FANCD2: variants seen among roughly 807,000 people sequenced by gnomAD.
The protein encoded by FANCD2 is Fanconi anemia group D2 protein.
FANCD2 carries 131 observed loss-of-function variants against 192.3 expected under a neutral mutation model. The ratio of observed to expected loss-of-function variants is 0.68; its 90% CI spans 0.59 to 0.79. The LOEUF is 0.79. FANCD2 is among the 30% of genes least tolerant of loss of function. The probability of loss-of-function intolerance (pLI) is 0.00; values close to 1 mark genes in which losing one functional copy is unlikely to be tolerated. For synonymous variants in FANCD2, 524 were observed against 612.5 expected (o/e 0.86, Z 2.13); for missense variants, 1,508 against 1,701.6 (o/e 0.89, Z 2.00).
chr3:10,100,568 C>T (rs1024383551), intron 43 of FANCD2, among the ~76,000 whole-genome samples: 14 of 152,292 alleles, frequency 9.2e-5, no homozygotes, highest in Non-Finnish European at 1.3e-4. Flanking sequence ...GACAGGGTTT[C>T]ACCATGTTGG....
intron 21 of FANCD2, among the ~76,000 whole-genome samples, 157 bp from the exon 22 acceptor site, chr3:10,064,199 C>T (rs1223913625): frequency 6.6e-6 from 1 of 152,178 alleles, no homozygotes; most frequent in Non-Finnish European, 1.5e-5. Context: ...GCTTTTTATG[C>T]ACTCTCTCTT....
chr3:10,046,576 A>G lies in FANCD2; in HGVS notation c.1135-4A>G. 1.2e-6 allele frequency: 2 copies of G among 1,614,214 alleles called. No individual in the cohort carries two copies. Among genetic ancestry groups the G allele is most frequent in the Non-Finnish European group, 8.5e-7 (1 of 1,180,002 alleles). ...TTCTGTTGTTGCATATTTATTGACA[A>G]TAGGTGTTTGACCTGGTGATGCTTT... On this transcript the variant is annotated splice_region_variant and splice_polypyrimidine_tract_variant and intron_variant, in intron 14 of 43. Coordinates refer to ENST00000675286, the MANE Select transcript of FANCD2 (RefSeq NM_001018115.3).
At chr3:10,079,877 T>A (rs927313015) in intron 30 of FANCD2, among the ~76,000 whole-genome samples, 3 of 152,096 alleles carry the variant, frequency 2.0e-5, no homozygotes, top group African/African-American at 7.2e-5. Flanking sequence ...AACATTAATA[T>A]ATCCCGTTTC....
chr3:10,066,629 T>C (rs1437917512), intron 25 of FANCD2, among the ~76,000 whole-genome samples: 1 of 152,184 alleles, frequency 6.6e-6, no homozygotes, highest in African/African-American at 2.4e-5. Flanking sequence ...TAAGTAGCAG[T>C]ATAGAACTTG....
chr3:10,045,804 C>T (rs1406342935), intron 14 of FANCD2: 1 of 151,150 alleles, frequency 6.6e-6, no homozygotes, highest in Non-Finnish European at 1.5e-5. Flanking sequence ...GTTTCAGCAT[C>T]TTGGCCAGGC....
At chr3:10,085,202 T>C (rs2125067905) in intron 32 of FANCD2, among the ~76,000 whole-genome samples, 1 of 152,192 alleles carries the variant, frequency 6.6e-6, no homozygotes, top group East Asian at 1.9e-4. Context: ...TTTTTGCCCT[T>C]CAAAGTAAAC....
chr3:10,097,520 G>A (rs976576236), intron 42 of FANCD2, among the ~76,000 whole-genome samples: 2 of 152,192 alleles, frequency 1.3e-5, no homozygotes, highest in African/African-American at 2.4e-5. Flanking sequence ...GAGAAACATG[G>A]TTCTGTTCCG....
At chr3:10,049,265 G>C in intron 16 of FANCD2, 109 bp from the exon 17 acceptor site, 5 of 1,156,778 alleles carry the variant, frequency 4.3e-6, no homozygotes, top group Non-Finnish European at 6.4e-6. Flanking sequence ...GGTTTGGGTT[G>C]ATTGTGATTT....
In FANCD2 at chr3:10,074,659, G is replaced by T. The variant is rs762724830; in HGVS notation, c.2845G>T (p.Glu949Ter). ...TGTGACGAAGTTCATCTTAGATACT[G>T]AAATGCACACTGAAGTAAGTGACAG... ...GLVTKFILDT[E>*]MHTEATEVVQ... The change falls in exon 29 of 44, where the codon GAA becomes TAA. Residue 949 changes from glutamate (E) to a stop codon, truncating the protein, a stop_gained. Coordinates refer to ENST00000675286, the MANE Select transcript of FANCD2 (RefSeq NM_001018115.3). LOFTEE classifies it high-confidence loss of function. 1.2e-6 allele frequency: 2 copies of T among 1,613,736 alleles called. No homozygotes were observed. The highest frequency in any genetic ancestry group is 3.3e-5 in the Admixed American group (2 of 60,004).
chr3:10,068,117 C>T (rs1440703655), intron 26 of FANCD2, among the ~76,000 whole-genome samples: 1 of 151,846 alleles, frequency 6.6e-6, no homozygotes, highest in Non-Finnish European at 1.5e-5. Flanking sequence ...TTATAAAATA[C>T]AGTATTGGAA....
At chr3:10,042,958 G>T in intron 11 of FANCD2, 92 bp from the exon 12 acceptor site, 1 of 1,166,316 alleles carries the variant, frequency 8.6e-7, no homozygotes, top group Admixed American at 1.8e-5. Flanking sequence ...TTCTTCCTCA[G>T]TCTTTCAGGA....
At chr3:10,086,016 G>A in intron 33 of FANCD2, 94 bp downstream of exon 33, 1 of 825,950 alleles carries the variant, frequency 1.2e-6, no homozygotes. Context: ...GTGTCTTTCA[G>A]TAGTTGTAAA....
At chr3:10,038,394 C>G (rs2086782701) in intron 7 of FANCD2, among the ~76,000 whole-genome samples, 1 of 152,116 alleles carries the variant, frequency 6.6e-6, no homozygotes, top group Non-Finnish European at 1.5e-5. Context: ...TAACAAGGAC[C>G]ATGCTGTCAA....
chr3:10,056,494 T>G (rs2087416769), intron 18 of FANCD2, among the ~76,000 whole-genome samples: 1 of 152,032 alleles, frequency 6.6e-6, no homozygotes, highest in Admixed American at 6.5e-5. Context: ...TTTTCCTTTC[T>G]TAAAAATTTC....
At position 10,086,951 on chromosome 3, in the gene FANCD2, A is replaced by G. The variant is rs33972700; in HGVS notation, c.3336-183A>G. Among the ~76,000 whole-genome samples the G allele has an allele frequency of 0.066, 10,024 of 152,200 alleles. 434 individuals are homozygous for G. The highest frequency in any genetic ancestry group is 0.096 in the Non-Finnish European group (6,548 of 68,004). ...TGTCTTCTGCCCTGGCTTTTTCCAT[A>G]CAAAGGTATGGTTTTCTACCAAGAT... On this transcript the variant is annotated intron_variant, in intron 33 of 43. Transcript: ENST00000675286.
At position 10,072,942 on chromosome 3, in the gene FANCD2, ACTG is replaced by A; in HGVS notation, c.2569_2571del (p.Ala857del). On this transcript the variant is annotated inframe_deletion, in exon 27 of 44. Transcript: ENST00000675286. ...TTTAGATATAACACCTCATACTGTT[ACTG>A]CTATTTCAGCAAAAATCAGAAAGAA... 3.1e-6 allele frequency: 5 copies of A among 1,609,938 alleles called. No homozygotes were observed. The highest frequency in any genetic ancestry group is 4.3e-6 in the Non-Finnish European group (5 of 1,176,216).
At chr3:10,031,766 T>C (rs2086608725) in intron 2 of FANCD2, among the ~76,000 whole-genome samples, 1 of 152,196 alleles carries the variant, frequency 6.6e-6, no homozygotes, top group Admixed American at 6.5e-5. Flanking sequence ...AGGATTATTA[T>C]CTGAAGAACA....
intron 7 of FANCD2, among the ~76,000 whole-genome samples, chr3:10,038,579 CT>C (rs573306335): frequency 0.11 from 14,345 of 128,514 alleles, 480 homozygotes; most frequent in African/African-American, 0.26. Flanking sequence ...TATATGCTTG[CT>C]TTTTTTTTTT....
intron 41 of FANCD2, among the ~76,000 whole-genome samples, chr3:10,095,958 T>G (rs533281809): frequency 6.6e-6 from 1 of 150,546 alleles, no homozygotes; most frequent in South Asian, 2.1e-4. Flanking sequence ...CTCTGCTCAC[T>G]GCAAGTTCCG....
Sources: gnomAD v4.1 joint callset for allele counts (sites outside exome capture counted in the v4.1 genomes callset) on GRCh38, gnomAD v4.1.1 for gene constraint, MANE v1.5 for transcripts, NCBI Gene and HGNC (gene_info 2026-07-23, HGNC 2026-07-21) for gene names.